Variants in PEX19 observed in about 807,000 individuals in gnomAD.
The protein encoded by PEX19 is 33 kDa housekeeping protein.
Under a neutral mutation model 36.3 loss-of-function variants are expected in PEX19, and 29 were observed. The ratio of observed to expected loss-of-function variants is 0.80; its 90% CI spans 0.60 to 1.09. PEX19 has a LOEUF of 1.09. PEX19 is among the 50% of genes least tolerant of loss of function. The probability of loss-of-function intolerance (pLI) is 0.00; values close to 1 mark genes in which losing one functional copy is unlikely to be tolerated. For missense variants in PEX19, 396 were observed against 368.1 expected, an observed-to-expected ratio of 1.08 and a Z score of -0.62; for synonymous variants, 141 against 135.2, an observed-to-expected ratio of 1.04 and a Z score of -0.30.
Position 160,283,116 on chromosome 1 carries a change from G to A in PEX19, c.181-7C>T. On this transcript the variant is annotated splice_polypyrimidine_tract_variant and splice_region_variant and intron_variant, in intron 2 of 7. Coordinates refer to ENST00000368072, the MANE Select transcript of PEX19 (RefSeq NM_002857.4). Reference sequence around the variant, plus strand: ...GGGAAGCGAAGAGGGCATCCTGCGGGGGAAGGATGGCTGAAATGCGTCTCT... The same window carrying A: ...GGGAAGCGAAGAGGGCATCCTGCGGAGGAAGGATGGCTGAAATGCGTCTCT... 6.2e-7 allele frequency: 1 copy of A among 1,612,836 alleles called. No homozygotes were observed. The highest frequency in any genetic ancestry group is 8.5e-7 in the Non-Finnish European group (1 of 1,179,884).
intron 3 of PEX19, 80 bp from the exon 4 acceptor site, chr1:160,282,582 G>A (rs1657818856): frequency 2.8e-6 from 3 of 1,063,958 alleles, no homozygotes; most frequent in South Asian, 1.3e-5. Context: ...GCTTGGATAT[G>A]AAGCATTTAC....
chr1:160,279,756 A>G, intron 7 of PEX19, 45 bp downstream of exon 7: 5 of 1,584,072 alleles, frequency 3.2e-6, no homozygotes, highest in Non-Finnish European at 4.3e-6. Flanking sequence ...GAATTCTGGA[A>G]ATTGGGGACT....
rs748738204 is a variant in PEX19, at chr1:160,280,077, A to G, written c.764T>C (p.Met255Thr). 5 of 1,613,756 alleles carry G rather than the reference A, an allele frequency of 3.1e-6. No homozygotes were observed. The highest frequency in any genetic ancestry group is 2.2e-5 in the South Asian group (2 of 91,074). The change falls in exon 6 of 8, where the codon ATG becomes ACG. Residue 255 changes from methionine (M) to threonine (T), a missense_variant. Coordinates refer to ENST00000368072, the MANE Select transcript of PEX19 (RefSeq NM_002857.4). Reference protein sequence around the residue: ...KARFEMVLDLMQQLQDLGHPP... With the variant: ...KARFEMVLDLTQQLQDLGHPP... ...GAAGGCAAGAGGCCTTACCTGCTGC[A>G]TAAGATCCAGCACCATCTCAAAACG...
Position 160,283,017 on chromosome 1 carries a change from C to G in PEX19, c.273G>C (p.Met91Ile). The change falls in exon 3 of 8, where the codon ATG becomes ATC. Residue 91 changes from methionine (M) to isoleucine (I), a missense_variant. Physicochemically the swap from Met to Ile is conservative, Grantham distance 10. Coordinates refer to ENST00000368072, the MANE Select transcript of PEX19 (RefSeq NM_002857.4). The part of the protein sequence containing the change: ...SQATAEFEKA[M>I]KELAEEEPHL... ...GGGGTTCTTCCTCAGCCAACTCCTT[C>G]ATTGCCTTCTCGAACTCCGCAGTGG... 6.2e-7 allele frequency: 1 copy of G among 1,614,236 alleles called. No homozygotes were observed. The highest frequency in any genetic ancestry group is 8.5e-7 in the Non-Finnish European group (1 of 1,180,040).
At position 160,277,557 on chromosome 1, in the gene PEX19, C is replaced by G. The variant is rs1053073811; in HGVS notation, c.*1994G>C. 1 of 454,254 alleles carries G rather than the reference C, an allele frequency of 2.2e-6. No individual in the cohort carries two copies. Among genetic ancestry groups the G allele is most frequent in the African/African-American group, 2.0e-5 (1 of 50,022 alleles). The allele number at this position is 454,254 out of a possible 1,614,324, so 28.1% of individuals were successfully genotyped here. A position where few individuals can be genotyped will look rare whatever the true frequency, so the allele number is the denominator to read the frequency against. On this transcript the variant is annotated 3_prime_UTR_variant, in exon 8 of 8. Coordinates refer to ENST00000368072, the MANE Select transcript of PEX19 (RefSeq NM_002857.4). ...GGAACAAAGTGTGACCTGAGGTCAA[C>G]CTGCTCACATTCAATCAAAATCAAA...
chr1:160,281,897 C>A, intron 5 of PEX19, 142 bp downstream of exon 5: 1 of 733,614 alleles, frequency 1.4e-6, no homozygotes, highest in South Asian at 1.5e-5. Flanking sequence ...CAACCCCCAA[C>A]TCTCCCTGCC....
At chr1:160,284,514 A>C (rs1228865058) in intron 1 of PEX19, among the ~76,000 whole-genome samples, 4 of 152,164 alleles carry the variant, frequency 2.6e-5, no homozygotes, top group Non-Finnish European at 5.9e-5. Context: ...TCAGTTTCTC[A>C]AAATAAGGGA....
rs778927500 is a variant in PEX19 at position 160,282,425 on chromosome 1, C to G, written c.424G>C (p.Asp142His). 1.9e-6 allele frequency: 3 copies of G among 1,613,616 alleles called. No homozygotes were observed. Among genetic ancestry groups the G allele is most frequent in the Non-Finnish European group, 2.5e-6 (3 of 1,179,492 alleles). Reference protein sequence around the residue: ...TLSGLAKNATDLQNSSMSEEE... With the variant: ...TLSGLAKNATHLQNSSMSEEE... ...TACTACTTTCTCCTCACCTGAAGGT[C>G]AGTGGCATTTTTGGCTAATCCACTT... The change falls in exon 4 of 8, where the codon GAC becomes CAC. Residue 142 changes from aspartate to histidine, a missense_variant. By Grantham distance (81) the Asp-to-His change is moderately conservative. Coordinates refer to ENST00000368072, the MANE Select transcript of PEX19 (RefSeq NM_002857.4).
Position 160,285,113 on chromosome 1 carries a change from A to C in PEX19, c.12T>G (p.Ala4=). Residue 4 remains alanine, a synonymous_variant, in exon 1 of 8, where the codon GCT becomes GCG. Transcript: ENST00000368072. The stretch of plus-strand genomic sequence containing the variant: ...CGGCCCCGACACTACAGCCTTCCTC[A>C]GCGGCGGCCATCTTGCTACCTCCGA... MAA[A]EEGCSVGAEA... The C allele has an allele frequency of 6.2e-7, 1 of 1,613,832 alleles. No homozygotes were observed. The highest frequency in any genetic ancestry group is 8.5e-7 in the Non-Finnish European group (1 of 1,179,834).
Position 160,277,719 on chromosome 1 carries a change from T to C in PEX19, c.*1832A>G, listed in dbSNP as rs1025234135. 4.4e-6 allele frequency: 2 copies of C among 458,894 alleles called. No individual in the cohort carries two copies. Among genetic ancestry groups the C allele is most frequent in the East Asian group, 6.9e-5 (1 of 14,592 alleles). 28.4% of individuals were successfully genotyped at this position (458,894 alleles called of 1,614,324 possible). A position where few individuals can be genotyped will look rare whatever the true frequency, so the allele number is the denominator to read the frequency against. On this transcript the variant is annotated 3_prime_UTR_variant, in exon 8 of 8. Transcript: ENST00000368072. ...GGTAGGACAGAAGGCACAAGGTTCA[T>C]AGAGAAGGGCTCTTTTGTTCTTCCC...
In PEX19 at chr1:160,279,794, TA is replaced by T; in HGVS notation, c.816+6del. ...AATTAAAATCTGGAAAAATAAGACA[TA>T]CTCACCATCTCTCCAGCCAGCTCTT... On this transcript the variant is annotated splice_donor_region_variant and intron_variant, in intron 7 of 7. Transcript: ENST00000368072. 1 of 1,611,526 alleles carries T rather than the reference TA, an allele frequency of 6.2e-7. No individual in the cohort carries two copies. Among genetic ancestry groups the T allele is most frequent in the Non-Finnish European group, 8.5e-7 (1 of 1,177,658 alleles).
Position 160,278,702 on chromosome 1 carries a change from A to C in PEX19, c.*849T>G, listed in dbSNP as rs1657637073. ...ATTTGTGTCTGCCAGGAAGACGGGG[A>C]GTCAGTGAGAATCGTAAATGGACTA... is the stretch of plus-strand genomic sequence containing the variant. On this transcript the variant is annotated 3_prime_UTR_variant, in exon 8 of 8. Transcript: ENST00000368072. The C allele has an allele frequency of 2.2e-6, 1 of 454,004 alleles. No individual in the cohort carries two copies. Among genetic ancestry groups the C allele is most frequent in the African/African-American group, 2.0e-5 (1 of 49,996 alleles). 28.1% of individuals were successfully genotyped at this position (454,004 alleles called of 1,614,324 possible).
rs1467214532 is a variant in PEX19, at chr1:160,279,341, AG to A, written c.*209del. ...ATAGTGGCAGAAACCACAATGGAGTAGGGTTCACAGAAATGGCCTGTGAAAC... is the reference window on the plus strand; with the variant it reads ...ATAGTGGCAGAAACCACAATGGAGTAGGTTCACAGAAATGGCCTGTGAAAC... On this transcript the variant is annotated 3_prime_UTR_variant, in exon 8 of 8. Coordinates refer to ENST00000368072, the MANE Select transcript of PEX19 (RefSeq NM_002857.4). The A allele has an allele frequency of 2.9e-6, 2 of 689,548 alleles. No homozygotes were observed. The highest frequency in any genetic ancestry group is 5.3e-6 in the Non-Finnish European group (2 of 378,144). 42.7% of individuals were successfully genotyped at this position (689,548 alleles called of 1,614,324 possible). A position where few individuals can be genotyped will look rare whatever the true frequency, so the allele number is the denominator to read the frequency against.
In PEX19 at chr1:160,283,118, G is replaced by A. The variant is rs1471138436; in HGVS notation, c.181-9C>T. On this transcript the variant is annotated splice_polypyrimidine_tract_variant and intron_variant, in intron 2 of 7. Transcript: ENST00000368072. ...GAAGCGAAGAGGGCATCCTGCGGGG[G>A]AAGGATGGCTGAAATGCGTCTCTTA... The A allele has an allele frequency of 4.3e-6, 7 of 1,612,820 alleles. No individual in the cohort carries two copies. In the East Asian group the frequency reaches 6.7e-5, roughly 15 times the overall value.
In PEX19 at chr1:160,277,111, A is replaced by G. The variant is rs1382564228; in HGVS notation, c.*2440T>C. 1 of 454,042 alleles carries G rather than the reference A, an allele frequency of 2.2e-6. No individual in the cohort carries two copies. The highest frequency in any genetic ancestry group is 2.0e-5 in the African/African-American group (1 of 49,988). The allele number at this position is 454,042 out of a possible 1,614,324, so 28.1% of individuals were successfully genotyped here. ...AGAACAAGAGATACAGGTAGGTATC[A>G]GTTCTGCTAGGGTCTTCAGAGAGAC... On this transcript the variant is annotated 3_prime_UTR_variant, in exon 8 of 8. Coordinates refer to ENST00000368072, the MANE Select transcript of PEX19 (RefSeq NM_002857.4).
rs1657654385 is a variant in PEX19 at position 160,279,096 on chromosome 1, A to G, written c.*455T>C. 2.2e-6 allele frequency: 1 copy of G among 454,240 alleles called. No individual in the cohort carries two copies. The highest frequency in any genetic ancestry group is 6.9e-5 in the East Asian group (1 of 14,434). 28.1% of individuals were successfully genotyped at this position (454,240 alleles called of 1,614,324 possible). A position where few individuals can be genotyped will look rare whatever the true frequency, so the allele number is the denominator to read the frequency against. Reference sequence around the variant, plus strand: ...GCCCCAGCCCAGGCTGTTTCTCCCCATTCTCAAAGGCTCTGCCAGGAGAAC... The same window carrying G: ...GCCCCAGCCCAGGCTGTTTCTCCCCGTTCTCAAAGGCTCTGCCAGGAGAAC... On this transcript the variant is annotated 3_prime_UTR_variant, in exon 8 of 8. Coordinates refer to ENST00000368072, the MANE Select transcript of PEX19 (RefSeq NM_002857.4).
chr1:160,281,953 C>G (rs547929796), intron 5 of PEX19, 86 bp downstream of exon 5: 60 of 1,147,306 alleles, frequency 5.2e-5, no homozygotes, highest in Middle Eastern at 2.0e-4. Context: ...GTTACTCTTT[C>G]TGCAGGCTCT....
rs575228246 is a variant in PEX19 at position 160,280,328 on chromosome 1, T to G, written c.595-82A>C. The G allele has an allele frequency of 1.6e-5, 22 of 1,351,210 alleles. 1 individual carries two copies. The East Asian group carries it at 4.6e-4, about 28-fold the overall frequency. 83.7% of individuals were successfully genotyped at this position (1,351,210 alleles called of 1,614,324 possible). A position where few individuals can be genotyped will look rare whatever the true frequency, so the allele number is the denominator to read the frequency against. Reference sequence around the variant, plus strand: ...TAATCAGAACAATGTGATTAAAATGTGAAAGGGAAAGGGACGTAGAAAAAC... The same window carrying G: ...TAATCAGAACAATGTGATTAAAATGGGAAAGGGAAAGGGACGTAGAAAAAC... On this transcript the variant is annotated intron_variant, in intron 5 of 7. Coordinates refer to ENST00000368072, the MANE Select transcript of PEX19 (RefSeq NM_002857.4).
Position 160,277,458 on chromosome 1 carries a change from T to C in PEX19, c.*2093A>G, listed in dbSNP as rs928116213. On this transcript the variant is annotated 3_prime_UTR_variant, in exon 8 of 8. Transcript: ENST00000368072. ...AAACAAAAAACCTGGTCCTTTACCATACATAGTTTGAGAAAGACTGCCCTA... is the reference window on the plus strand; with the variant it reads ...AAACAAAAAACCTGGTCCTTTACCACACATAGTTTGAGAAAGACTGCCCTA... 1.1e-5 allele frequency: 5 copies of C among 455,972 alleles called. No homozygotes were observed. The highest frequency in any genetic ancestry group is 2.2e-5 in the Non-Finnish European group (5 of 226,804). 28.2% of individuals were successfully genotyped at this position (455,972 alleles called of 1,614,324 possible).
Sources: allele counts gnomAD v4.1 joint callset (sites outside exome capture counted in the v4.1 genomes callset), GRCh38; gene constraint gnomAD v4.1.1; transcripts MANE v1.5; gene names NCBI Gene and HGNC (gene_info 2026-07-23, HGNC 2026-07-21).